Variants in BAIAP2L1 observed in about 807,000 individuals in gnomAD.
BAIAP2L1 encodes the protein BAR/IMD domain-containing adapter protein 2-like 1.
In BAIAP2L1, 35 loss-of-function variants were observed where a neutral mutation model predicts 66.3. The ratio of observed to expected loss-of-function variants is 0.53; its 90% confidence interval spans 0.40 to 0.70. BAIAP2L1 has a LOEUF of 0.70. Among genes scored for constraint, BAIAP2L1 ranks in the 30% least tolerant of loss-of-function variants. BAIAP2L1 has a pLI of 0.00. For synonymous variants in BAIAP2L1, 269 were observed against 248.7 expected (o/e 1.08, Z -0.77); for missense variants, 622 against 656.9 (o/e 0.95, Z 0.58).
chr7:98,347,673 G>T (rs2115661561), intron 3 of BAIAP2L1, among the ~76,000 whole-genome samples: 1 of 152,220 alleles, frequency 6.6e-6, no homozygotes. Flanking sequence ...TACTCGGGAG[G>T]CTGAGGCAGG....
intron 7 of BAIAP2L1, among the ~76,000 whole-genome samples, chr7:98,312,507 T>C (rs889114541): frequency 2.6e-5 from 4 of 152,204 alleles, no homozygotes; most frequent in South Asian, 4.2e-4. Flanking sequence ...ATACAGAGCA[T>C]GGGACTAATA....
chr7:98,364,151 C>A (rs1259324788), intron 1 of BAIAP2L1, among the ~76,000 whole-genome samples: 1 of 151,964 alleles, frequency 6.6e-6, no homozygotes, highest in East Asian at 1.9e-4. Context: ...AATTAGATGG[C>A]AATTTGCTGA....
Position 98,357,812 on chromosome 7 carries a change from G to T in BAIAP2L1, c.128-2684C>A, listed in dbSNP as rs540589422. Among the ~76,000 whole-genome samples the T allele has an allele frequency of 4.6e-5, 7 of 152,304 alleles. 1 individual carries two copies. Among genetic ancestry groups the T allele is most frequent in the African/African-American group, 1.7e-4 (7 of 41,570 alleles). ...TCATCAGCCCGTTGCGCTAAGGGCA[G>T]CGGAGTGGAGATATTCTGGGACATA... On this transcript the variant is annotated intron_variant, in intron 2 of 13. Transcript: ENST00000005260.
At chr7:98,342,854 T>C (rs1425454979) in intron 3 of BAIAP2L1, among the ~76,000 whole-genome samples, 1 of 152,132 alleles carries the variant, frequency 6.6e-6, no homozygotes, top group African/African-American at 2.4e-5. Flanking sequence ...AAATAAACCT[T>C]GCTTGATTTA....
intron 1 of BAIAP2L1, among the ~76,000 whole-genome samples, chr7:98,362,689 G>C (rs1407856744): frequency 1.3e-5 from 2 of 152,168 alleles, no homozygotes; most frequent in African/African-American, 2.4e-5. Context: ...TATAAGCGGA[G>C]CAGGCAGCAG....
intron 3 of BAIAP2L1, chr7:98,323,519 C>T (rs1036186348): frequency 6.6e-6 from 1 of 152,172 alleles, no homozygotes; most frequent in Non-Finnish European, 1.5e-5. Flanking sequence ...ACTTTATTTC[C>T]ACAACCTTAT....
Position 98,340,802 on chromosome 7 carries a change from T to TG in BAIAP2L1, c.214+14239_214+14240insC, listed in dbSNP as rs551303485. Among the ~76,000 whole-genome samples the TG allele has an allele frequency of 6.0e-4, 91 of 150,914 alleles. 2 individuals are homozygous for TG. Among genetic ancestry groups the TG allele is most frequent in the Admixed American group, 4.4e-3 (67 of 15,146 alleles). On this transcript the variant is annotated intron_variant, in intron 3 of 13. Transcript: ENST00000005260. Reference sequence around the variant, plus strand: ...GTACATGCTCTTACAGGTTTTTTTTTTTTTTTGCAGGGGACAGAGTTTCAC... The same window carrying TG: ...GTACATGCTCTTACAGGTTTTTTTTTGTTTTTTGCAGGGGACAGAGTTTCAC...
At chr7:98,351,681 T>C (rs995698137) in intron 3 of BAIAP2L1, among the ~76,000 whole-genome samples, 2 of 152,136 alleles carry the variant, frequency 1.3e-5, no homozygotes, top group African/African-American at 4.8e-5. Context: ...TCCCTAGTGA[T>C]GATAAACTGA....
In BAIAP2L1 at chr7:98,294,913, G is replaced by A. The variant is rs139839272; in HGVS notation, c.1423-802C>T. Among the ~76,000 whole-genome samples, 814 of 152,150 alleles carry A rather than the reference G, an allele frequency of 5.3e-3. 9 individuals carry two copies. Among genetic ancestry groups the A allele is most frequent in the Middle Eastern group, 0.021 (6 of 292 alleles). On this transcript the variant is annotated intron_variant, in intron 12 of 13. Coordinates refer to ENST00000005260, the MANE Select transcript of BAIAP2L1 (RefSeq NM_018842.5). The stretch of plus-strand genomic sequence containing the variant: ...GGGCGAGCCAGGGCCAGGTGTGTGC[G>A]CGCCTTCTTTCCCTCACTCCAAAAA...
Position 98,292,744 on chromosome 7 carries a change from T to G in BAIAP2L1, c.*777A>C. ...GCAGTTTGAGTGTACTGGTAATGGA[T>G]GCAGCTTTGGCCAACTAGCTGAGTG... On this transcript the variant is annotated 3_prime_UTR_variant, in exon 14 of 14. Transcript: ENST00000005260. The G allele has an allele frequency of 6.4e-7, 1 of 1,551,186 alleles. No homozygotes were observed. Among genetic ancestry groups the G allele is most frequent in the Non-Finnish European group, 8.7e-7 (1 of 1,146,720 alleles).
In BAIAP2L1 at chr7:98,292,315, G is replaced by A. The variant is rs574589767; in HGVS notation, c.*1206C>T. On this transcript the variant is annotated 3_prime_UTR_variant, in exon 14 of 14. Coordinates refer to ENST00000005260, the MANE Select transcript of BAIAP2L1 (RefSeq NM_018842.5). The stretch of plus-strand genomic sequence containing the variant: ...TGGCTCACTGCAACCTCTGCCTCCC[G>A]GGTTCAAGTGATTCTCCTGCCTCAG... 54 of 336,290 alleles carry A rather than the reference G, an allele frequency of 1.6e-4. No individual in the cohort carries two copies. The highest frequency in any genetic ancestry group is 7.5e-4 in the African/African-American group (35 of 46,862). 20.8% of individuals were successfully genotyped at this position (336,290 alleles called of 1,614,324 possible).
At chr7:98,364,599 C>T (rs1802348631) in intron 1 of BAIAP2L1, among the ~76,000 whole-genome samples, 1 of 151,804 alleles carries the variant, frequency 6.6e-6, no homozygotes, top group African/African-American at 2.4e-5. Context: ...AATCTGAGTC[C>T]CCGTGTGTCT....
chr7:98,317,918 C>G (rs1458617394), intron 5 of BAIAP2L1, among the ~76,000 whole-genome samples: 1 of 147,944 alleles, frequency 6.8e-6, no homozygotes, highest in South Asian at 2.1e-4. Context: ...CCTCACCCCA[C>G]AGTTCACATC....
intron 3 of BAIAP2L1, among the ~76,000 whole-genome samples, chr7:98,340,250 A>C (rs1057443621): frequency 6.6e-6 from 1 of 152,176 alleles, no homozygotes; most frequent in African/African-American, 2.4e-5. Context: ...TGAAATGGCT[A>C]ATCTGATTCA....
chr7:98,348,530 G>A (rs1367736433), intron 3 of BAIAP2L1, among the ~76,000 whole-genome samples: 2 of 143,346 alleles, frequency 1.4e-5, no homozygotes, highest in Non-Finnish European at 1.5e-5. Context: ...TTGCACCACT[G>A]CACTTCAGCC....
chr7:98,392,287 G>A (rs903759740), intron 1 of BAIAP2L1, among the ~76,000 whole-genome samples: 3 of 152,012 alleles, frequency 2.0e-5, no homozygotes, highest in Non-Finnish European at 2.9e-5. Flanking sequence ...GGAGGTTGCA[G>A]TAAGCTGAGA....
At chr7:98,340,696 A>G (rs570119592) in intron 3 of BAIAP2L1, among the ~76,000 whole-genome samples, 6 of 152,170 alleles carry the variant, frequency 3.9e-5, no homozygotes, top group East Asian at 1.9e-4. Context: ...AGTACAATTT[A>G]TAACACAGAA....
chr7:98,299,513 G>A (rs1235255024), intron 12 of BAIAP2L1, among the ~76,000 whole-genome samples: 1 of 150,966 alleles, frequency 6.6e-6, no homozygotes, highest in Admixed American at 6.6e-5. Context: ...ACCACGTTAT[G>A]GATCAAGCTT....
At chr7:98,317,782 C>T (rs1041848061) in intron 5 of BAIAP2L1, among the ~76,000 whole-genome samples, 3 of 148,364 alleles carry the variant, frequency 2.0e-5, no homozygotes, top group Non-Finnish European at 3.0e-5. Flanking sequence ...TCACACTGGC[C>T]GGGGCCCTCG....
Sources: allele counts gnomAD v4.1 joint callset (sites outside exome capture counted in the v4.1 genomes callset), GRCh38; gene constraint gnomAD v4.1.1; transcripts MANE v1.5; gene names NCBI Gene and HGNC (gene_info 2026-07-23, HGNC 2026-07-21).